The following DENND1A variants were observed in gnomAD, a reference collection of about 807,000 sequenced individuals.
The protein encoded by DENND1A is DENN domain-containing protein 1A.
DENND1A carries 51 observed loss-of-function variants against 113.7 expected under a neutral mutation model. The ratio of observed to expected loss-of-function variants is 0.45; its 90% CI spans 0.36 to 0.57. DENND1A has a LOEUF of 0.57. Ranked by LOEUF, DENND1A falls within the 20% of genes least tolerant of loss-of-function variation. The pLI is 0.00. For synonymous variants in DENND1A, 565 were observed against 570.8 expected, an observed-to-expected ratio of 0.99 and a Z score of 0.14; for missense variants, 1,258 against 1,395.9, an observed-to-expected ratio of 0.90 and a Z score of 1.57.
intron 5 of DENND1A, among the ~76,000 whole-genome samples, chr9:123,742,214 G>A (rs1048600789): frequency 7.3e-5 from 11 of 151,184 alleles, no homozygotes; most frequent in African/African-American, 2.0e-4. Context: ...GTTAAGGGGC[G>A]TCCTCTGTTT....
At chr9:123,878,364 G>GAAA (rs1847831065) in intron 2 of DENND1A, among the ~76,000 whole-genome samples, 1 of 140,076 alleles carries the variant, frequency 7.1e-6, no homozygotes, top group East Asian at 2.0e-4. Context: ...ATTTTAAGAA[G>GAAA]AAATATATGC....
chr9:123,469,226 C>A (rs1410872673), intron 13 of DENND1A, among the ~76,000 whole-genome samples: 1 of 152,242 alleles, frequency 6.6e-6, no homozygotes, highest in Non-Finnish European at 1.5e-5. Flanking sequence ...CCAGTCTGGG[C>A]CCCTGTCACT....
Position 123,674,362 on chromosome 9 carries a change from A to T in DENND1A, c.372+2358T>A, listed in dbSNP as rs1336307865. On this transcript the variant is annotated intron_variant, in intron 6 of 23. Transcript: ENST00000394215. ...CTCTCTCACACACACACACACACAC[A>T]CACACACACACACACACACACACAC... Among the ~76,000 whole-genome samples the T allele has an allele frequency of 5.3e-3, 720 of 136,476 alleles. 5 individuals are homozygous for T. Among genetic ancestry groups the T allele is most frequent in the African/African-American group, 0.024 (676 of 27,640 alleles). 89.5% of individuals were successfully genotyped at this position (136,476 alleles called of 152,430 possible). A position where few individuals can be genotyped will look rare whatever the true frequency, so the allele number is the denominator to read the frequency against.
Position 123,560,933 on chromosome 9 carries a change from C to T in DENND1A, c.868-3238G>A, listed in dbSNP as rs575709406. ...CAATGCAGGCCACTCAGCACCCAGG[C>T]TGACTCTGCCATGGACTTCCACCTA... On this transcript the variant is annotated intron_variant, in intron 12 of 23. Coordinates refer to ENST00000394215, the MANE Select transcript of DENND1A (RefSeq NM_001352964.2). Among the ~76,000 whole-genome samples, 48 of 152,284 alleles carry T rather than the reference C, an allele frequency of 3.2e-4. 2 individuals are homozygous for T. In the South Asian group the frequency reaches 9.7e-3, roughly 31 times the overall value.
chr9:123,498,450 C>T (rs866605621), intron 13 of DENND1A, among the ~76,000 whole-genome samples: 1 of 152,226 alleles, frequency 6.6e-6, no homozygotes, highest in South Asian at 2.1e-4. Context: ...ATCAGCAGAG[C>T]GCTGGTCAAG....
intron 12 of DENND1A, among the ~76,000 whole-genome samples, chr9:123,559,760 CACT>C (rs1433440811): frequency 3.3e-5 from 5 of 152,302 alleles, no homozygotes; most frequent in African/African-American, 1.2e-4. Flanking sequence ...GTACAACCAT[CACT>C]ACTAACTCCA....
chr9:123,453,323 G>A (rs2047874519), intron 16 of DENND1A, among the ~76,000 whole-genome samples: 1 of 152,166 alleles, frequency 6.6e-6, no homozygotes. Context: ...CACTGGACCT[G>A]GTCCATGAAG....
At chr9:123,629,793 A>G (rs2061397834) in intron 10 of DENND1A, among the ~76,000 whole-genome samples, 1 of 152,238 alleles carries the variant, frequency 6.6e-6, no homozygotes, top group South Asian at 2.1e-4. Context: ...GTGCCAGGGC[A>G]TGGCTGAAAC....
chr9:123,746,118 G>A (rs1244306638), intron 5 of DENND1A, among the ~76,000 whole-genome samples: 1 of 152,282 alleles, frequency 6.6e-6, no homozygotes, highest in African/African-American at 2.4e-5. Flanking sequence ...ACTTATGTGT[G>A]TATAATGTGT....
At chr9:123,565,139 G>A (rs902965714) in intron 12 of DENND1A, among the ~76,000 whole-genome samples, 3 of 152,196 alleles carry the variant, frequency 2.0e-5, no homozygotes, top group Admixed American at 2.0e-4. Context: ...TTACAGGCAT[G>A]TGCCACCACG....
intron 13 of DENND1A, among the ~76,000 whole-genome samples, chr9:123,542,236 C>G (rs2056343178): frequency 6.6e-6 from 1 of 152,138 alleles, no homozygotes; most frequent in South Asian, 2.1e-4. Context: ...ACCAGCCAGA[C>G]ACATGTCAAG....
At chr9:123,820,287 T>G (rs767158092) in intron 2 of DENND1A, among the ~76,000 whole-genome samples, 1 of 152,232 alleles carries the variant, frequency 6.6e-6, no homozygotes, top group Non-Finnish European at 1.5e-5. Context: ...CTTCGTGACT[T>G]GCTTTGAACC....
chr9:123,834,252 G>A (rs1840725741), intron 2 of DENND1A, among the ~76,000 whole-genome samples: 1 of 152,088 alleles, frequency 6.6e-6, no homozygotes, highest in African/African-American at 2.4e-5. Context: ...CAACACATAA[G>A]GGTCACAACA....
At chr9:123,927,045 C>G (rs1857244612) in intron 1 of DENND1A, among the ~76,000 whole-genome samples, 1 of 152,186 alleles carries the variant, frequency 6.6e-6, no homozygotes. Context: ...CCTATAAACT[C>G]CCATTCTCTC....
chr9:123,691,212 A>G (rs2065170934), intron 5 of DENND1A, among the ~76,000 whole-genome samples: 1 of 152,196 alleles, frequency 6.6e-6, no homozygotes, highest in African/African-American at 2.4e-5. Context: ...TGTCCTAGAC[A>G]GCTAGGATAA....
intron 11 of DENND1A, among the ~76,000 whole-genome samples, chr9:123,600,271 T>G (rs1334435866): frequency 6.6e-6 from 1 of 152,196 alleles, no homozygotes; most frequent in Non-Finnish European, 1.5e-5. Context: ...TAAATAATAT[T>G]GATAATCACT....
intron 11 of DENND1A, among the ~76,000 whole-genome samples, chr9:123,585,649 C>A (rs141134998): frequency 6.6e-6 from 1 of 152,310 alleles, no homozygotes; most frequent in Non-Finnish European, 1.5e-5. Context: ...CAATGGCCCT[C>A]TTTTTCACTG....
At chr9:123,468,760 G>GA (rs1316790402) in intron 13 of DENND1A, among the ~76,000 whole-genome samples, 1 of 152,212 alleles carries the variant, frequency 6.6e-6, no homozygotes, top group African/African-American at 2.4e-5. Context: ...AGAGAGTGGG[G>GA]ACAGCAGGCT....
chr9:123,585,532 T>C (rs1380166567), intron 11 of DENND1A, among the ~76,000 whole-genome samples: 1 of 152,242 alleles, frequency 6.6e-6, no homozygotes, highest in Non-Finnish European at 1.5e-5. Flanking sequence ...CACATGAGAA[T>C]GCTGAGATTC....
Sources: allele counts gnomAD v4.1 joint callset (sites outside exome capture counted in the v4.1 genomes callset), GRCh38; gene constraint gnomAD v4.1.1; transcripts MANE v1.5; gene names NCBI Gene and HGNC (gene_info 2026-07-23, HGNC 2026-07-21).